The following SLC8A1 variants were observed in gnomAD, a reference collection of about 807,000 sequenced individuals.
The protein encoded by SLC8A1 is solute carrier family 8 member A1.
A neutral mutation model predicts 68.3 loss-of-function variants in SLC8A1; 18 were observed. The observed-to-expected ratio is 0.26, with a 90% CI of 0.18 to 0.39. SLC8A1 has a LOEUF of 0.39. Ranked by LOEUF, SLC8A1 falls within the 10% of genes least tolerant of loss-of-function variation. SLC8A1 has a pLI of 1.00. For missense variants in SLC8A1, 985 were observed against 1,156.7 expected, an observed-to-expected ratio of 0.85 and a Z score of 2.15; for synonymous variants, 475 against 415.5, an observed-to-expected ratio of 1.14 and a Z score of -1.74.
At chr2:40,243,439 C>T (rs1343436501) in intron 2 of SLC8A1, among the ~76,000 whole-genome samples, 1 of 152,102 alleles carries the variant, frequency 6.6e-6, no homozygotes, top group Non-Finnish European at 1.5e-5. Flanking sequence ...ACCAAGATCA[C>T]CCCACTGTAC....
intron 6 of SLC8A1, among the ~76,000 whole-genome samples, chr2:40,155,615 A>G (rs947376955): frequency 1.3e-5 from 2 of 152,124 alleles, no homozygotes; most frequent in African/African-American, 4.8e-5. Context: ...TTTTATTAAG[A>G]CTTTTAGAGT....
chr2:40,440,093 T>A (rs1397165527), intron 1 of SLC8A1, among the ~76,000 whole-genome samples: 1 of 152,142 alleles, frequency 6.6e-6, no homozygotes, highest in African/African-American at 2.4e-5. Context: ...ACAACATTCT[T>A]ACAGAAATCT....
intron 3 of SLC8A1, among the ~76,000 whole-genome samples, chr2:40,177,050 T>TTC: frequency 1.1e-4 from 1 of 9,242 alleles, no homozygotes; most frequent in South Asian, 1.2e-3. Flanking sequence ...TTATTTTTTC[T>TTC]TTTTTTTATA....
At chr2:40,438,831 C>A (rs910800940) in intron 1 of SLC8A1, among the ~76,000 whole-genome samples, 2 of 152,104 alleles carry the variant, frequency 1.3e-5, no homozygotes. Flanking sequence ...AGGTGATTGT[C>A]ATGTAGGTGG....
chr2:40,219,253 G>A (rs1186704947), intron 2 of SLC8A1, among the ~76,000 whole-genome samples: 1 of 152,176 alleles, frequency 6.6e-6, no homozygotes, highest in African/African-American at 2.4e-5. Flanking sequence ...AAGTGGAGAA[G>A]CACAGCTCTT....
At chr2:40,389,410 A>G (rs1476735826) in intron 2 of SLC8A1, among the ~76,000 whole-genome samples, 3 of 152,068 alleles carry the variant, frequency 2.0e-5, no homozygotes, top group African/African-American at 7.2e-5. Context: ...AATCTAATCT[A>G]AGCTTCCAGG....
intron 2 of SLC8A1, among the ~76,000 whole-genome samples, chr2:40,216,064 T>C (rs1297160621): frequency 2.0e-5 from 3 of 151,330 alleles, no homozygotes; most frequent in Non-Finnish European, 2.9e-5. Flanking sequence ...CTGGGATACA[T>C]GTGCAGAACG....
intron 7 of SLC8A1, chr2:40,123,047 C>T (rs1174269981): frequency 1.3e-5 from 2 of 152,164 alleles, no homozygotes; most frequent in Non-Finnish European, 2.9e-5. Context: ...ATTTGATCTG[C>T]TTTCCAAACT....
chr2:40,210,688 C>T lies in SLC8A1; in HGVS notation c.1809-32833G>A, dbSNP rs544134597. Among the ~76,000 whole-genome samples the T allele has an allele frequency of 2.6e-5, 4 of 152,250 alleles. No individual in the cohort carries two copies. The East Asian group carries it at 7.7e-4, about 29-fold the overall frequency. ...TGTTTCACCAGAAATTCAGTATTATCTAATGAATGCTGAGTAATTGAAGCA... is the reference window on the plus strand; with the variant it reads ...TGTTTCACCAGAAATTCAGTATTATTTAATGAATGCTGAGTAATTGAAGCA... On this transcript the variant is annotated intron_variant, in intron 2 of 7. Coordinates refer to ENST00000406785, the Ensembl canonical transcript of SLC8A1.
At chr2:40,511,627 A>G (rs1385262961) in intron 1 of SLC8A1, among the ~76,000 whole-genome samples, 1 of 152,184 alleles carries the variant, frequency 6.6e-6, no homozygotes, top group Non-Finnish European at 1.5e-5. Flanking sequence ...ATCACTGATG[A>G]CAAAACGATA....
upstream of SLC8A1, among the ~76,000 whole-genome samples, chr2:40,455,053 T>C (rs1255654570): frequency 6.6e-6 from 1 of 152,202 alleles, no homozygotes; most frequent in East Asian, 1.9e-4. Flanking sequence ...CACTGTTATC[T>C]AACCAAAGCA....
intron 2 of SLC8A1, among the ~76,000 whole-genome samples, chr2:40,289,541 A>G (rs1005339773): frequency 3.3e-5 from 5 of 152,144 alleles, no homozygotes; most frequent in Admixed American, 6.6e-5. Context: ...AAAGGTAACA[A>G]AAAAAAGTTA....
chr2:40,164,615 G>A (rs1279241322), intron 5 of SLC8A1, among the ~76,000 whole-genome samples: 2 of 152,096 alleles, frequency 1.3e-5, no homozygotes, highest in East Asian at 3.9e-4. Flanking sequence ...CTGACCTTGT[G>A]CAGTCATAGA....
chr2:40,292,777 T>C (rs981548670), intron 2 of SLC8A1, among the ~76,000 whole-genome samples: 4 of 152,188 alleles, frequency 2.6e-5, no homozygotes, highest in South Asian at 2.1e-4. Flanking sequence ...CTGGGAGATT[T>C]AAGACTTTGA....
chr2:40,386,313 A>G lies in SLC8A1; in HGVS notation c.1808+42160T>C, dbSNP rs1036339381. 6.7e-5 allele frequency among the ~76,000 whole-genome samples: 10 copies of G among 149,772 alleles called. No homozygotes were observed. In the East Asian group the frequency reaches 7.8e-4, roughly 12 times the overall value. ...TTATAATGAGTCTATTTTACTTTCA[A>G]ATGGTAAATGTGTGTGTGTATATAA... On this transcript the variant is annotated intron_variant, in intron 2 of 7. Coordinates refer to ENST00000406785, the Ensembl canonical transcript of SLC8A1.
chr2:40,105,586 G>C (rs1363396596), exon 8 of SLC8A1: 1 of 152,124 alleles, frequency 6.6e-6, no homozygotes, highest in Non-Finnish European at 1.5e-5. Context: ...TCATCACTAG[G>C]TCCAATCCAC....
intron 2 of SLC8A1, among the ~76,000 whole-genome samples, chr2:40,275,147 A>C (rs1012081566): frequency 2.0e-5 from 3 of 152,206 alleles, no homozygotes; most frequent in African/African-American, 7.2e-5. Context: ...ATTGAGTTGA[A>C]GCTGTTGTAT....
chr2:40,205,763 A>G (rs2055301595), intron 2 of SLC8A1, among the ~76,000 whole-genome samples: 1 of 150,106 alleles, frequency 6.7e-6, no homozygotes, highest in Non-Finnish European at 1.5e-5. Context: ...AAGTTTACCT[A>G]TGTAGCAAAC....
At position 40,468,336 on chromosome 2, in the gene SLC8A1, T is replaced by C. The variant is rs570099687; in HGVS notation, c.-24-38032A>G. On this transcript the variant is annotated intron_variant, in intron 1 of 7. Coordinates refer to the SLC8A1 transcript ENST00000402441. ...ATGTATATTCTACATATTACTATTATTGGCCTTGACAGAAATACAGACTTT... is the reference window on the plus strand; with the variant it reads ...ATGTATATTCTACATATTACTATTACTGGCCTTGACAGAAATACAGACTTT... Among the ~76,000 whole-genome samples, 36 of 152,292 alleles carry C rather than the reference T, an allele frequency of 2.4e-4. No individual in the cohort carries two copies. The East Asian group carries it at 5.0e-3, about 21-fold the overall frequency.
Sources: gnomAD v4.1 joint callset for allele counts (sites outside exome capture counted in the v4.1 genomes callset) on GRCh38, gnomAD v4.1.1 for gene constraint, MANE v1.5 for transcripts, NCBI Gene and HGNC (gene_info 2026-07-23, HGNC 2026-07-21) for gene names.